Variants in PTPN4 observed in about 807,000 individuals in gnomAD.
PTPN4 encodes the protein tyrosine-protein phosphatase non-receptor type 4.
A neutral mutation model predicts 135.5 loss-of-function variants in PTPN4; 49 were observed. That is an observed-to-expected ratio of 0.36 (90% confidence interval 0.29 to 0.46). The LOEUF (loss-of-function observed/expected upper bound fraction) is 0.46, where lower values mean the gene tolerates loss of function less well. Among genes scored for constraint, PTPN4 ranks in the 20% least tolerant of loss-of-function variants. The pLI is 1.00. For missense variants in PTPN4, 860 were observed against 1,101.0 expected (o/e 0.78, Z 3.10); for synonymous variants, 333 against 369.9 (o/e 0.90, Z 1.14).
At chr2:119,835,959 C>T (rs1046303943) in intron 2 of PTPN4, among the ~76,000 whole-genome samples, 2 of 151,746 alleles carry the variant, frequency 1.3e-5, no homozygotes, top group Non-Finnish European at 2.9e-5. Context: ...ATCCCAGCTA[C>T]TTGGGAGGCT....
intron 2 of PTPN4, among the ~76,000 whole-genome samples, chr2:119,826,970 G>T (rs1236795786): frequency 6.6e-6 from 1 of 152,238 alleles, no homozygotes; most frequent in Non-Finnish European, 1.5e-5. Flanking sequence ...CGAGGTTACA[G>T]TGAACTGTGA....
At chr2:119,764,868 G>A (rs1270091383) in intron 1 of PTPN4, among the ~76,000 whole-genome samples, 1 of 152,038 alleles carries the variant, frequency 6.6e-6, no homozygotes, top group East Asian at 1.9e-4. Context: ...CCAGGTAATT[G>A]TTCATATTTA....
rs1679132603 is a variant in PTPN4, at chr2:119,946,359, C to T, written c.1534C>T (p.His512Tyr). The T allele has an allele frequency of 6.2e-7, 1 of 1,606,416 alleles. No homozygotes were observed. Among genetic ancestry groups the T allele is most frequent in the Non-Finnish European group, 8.5e-7 (1 of 1,176,596 alleles). Residue 512 changes from histidine to tyrosine, a missense_variant, in exon 17 of 27, where the codon CAT becomes TAT. By Grantham distance (83) the His-to-Tyr change is moderately conservative. Coordinates refer to ENST00000263708, the MANE Select transcript of PTPN4 (RefSeq NM_002830.4). Reference sequence around the variant, plus strand: ...TTTTAAGCCTAATGGTGGTATTCCACATGATAATCTTGTCCTAATCAGAAT... The same window carrying T: ...TTTTAAGCCTAATGGTGGTATTCCATATGATAATCTTGTCCTAATCAGAAT... ...EKPTPNGGIP[H>Y]DNLVLIRMKP...
At chr2:119,822,894 C>T (rs1677090575) in intron 2 of PTPN4, among the ~76,000 whole-genome samples, 1 of 152,266 alleles carries the variant, frequency 6.6e-6, no homozygotes, top group East Asian at 1.9e-4. Context: ...GGTGGTTTGC[C>T]ATGACATTTG....
intron 1 of PTPN4, among the ~76,000 whole-genome samples, chr2:119,791,446 T>TCTC (rs1185427916): frequency 2.0e-5 from 3 of 152,194 alleles, no homozygotes; most frequent in Non-Finnish European, 4.4e-5. Flanking sequence ...TAATTACTCT[T>TCTC]AACTGGTACT....
At chr2:119,915,324 G>A (rs980971108) in intron 11 of PTPN4, 82 bp downstream of exon 11, 5 of 1,184,466 alleles carry the variant, frequency 4.2e-6, no homozygotes, top group Non-Finnish European at 5.8e-6. Context: ...TCTATTATTA[G>A]TACAAGTGAA....
chr2:119,867,601 C>T (rs977584850), intron 3 of PTPN4, among the ~76,000 whole-genome samples: 3 of 151,828 alleles, frequency 2.0e-5, no homozygotes, highest in African/African-American at 7.3e-5. Context: ...TATTCTGTAC[C>T]CTTCCTGAAC....
intron 18 of PTPN4, among the ~76,000 whole-genome samples, chr2:119,951,665 G>C (rs1322872972): frequency 6.6e-6 from 1 of 152,166 alleles, no homozygotes; most frequent in Non-Finnish European, 1.5e-5. Context: ...GGTAACTGAA[G>C]TTTGTATGTA....
At chr2:119,832,939 C>G (rs1380932556) in intron 2 of PTPN4, among the ~76,000 whole-genome samples, 1 of 152,132 alleles carries the variant, frequency 6.6e-6, no homozygotes, top group Non-Finnish European at 1.5e-5. Context: ...AGATTATTTG[C>G]TCTTTGAAGG....
Position 119,860,851 on chromosome 2 carries a change from A to G in PTPN4, c.139-1685A>G, listed in dbSNP as rs894318276. Among the ~76,000 whole-genome samples, 58 of 151,994 alleles carry G rather than the reference A, an allele frequency of 3.8e-4. 1 individual carries two copies. The highest frequency in any genetic ancestry group is 1.3e-3 in the African/African-American group (54 of 41,396). On this transcript the variant is annotated intron_variant, in intron 2 of 26. Transcript: ENST00000263708. ...AGGTCAGGAGTTCGAGACTAGCCTGACCAATATGATGAAACTCTGGCTCTA... is the reference window on the plus strand; with the variant it reads ...AGGTCAGGAGTTCGAGACTAGCCTGGCCAATATGATGAAACTCTGGCTCTA...
At chr2:119,917,823 G>A (rs968304071) in intron 11 of PTPN4, among the ~76,000 whole-genome samples, 7 of 152,196 alleles carry the variant, frequency 4.6e-5, no homozygotes, top group Admixed American at 3.9e-4. Flanking sequence ...AAACATCTTT[G>A]TTTTTAAATA....
At chr2:119,940,520 A>G (rs975498785) in intron 15 of PTPN4, among the ~76,000 whole-genome samples, 1 of 152,146 alleles carries the variant, frequency 6.6e-6, no homozygotes, top group Non-Finnish European at 1.5e-5. Context: ...TAGTGGCGCA[A>G]TTATAGCTCA....
intron 9 of PTPN4, among the ~76,000 whole-genome samples, chr2:119,893,914 AC>A (rs1471646063): frequency 3.3e-5 from 5 of 152,072 alleles, no homozygotes; most frequent in African/African-American, 7.2e-5. Context: ...GAAAAAAAAA[AC>A]AAAAACGGAG....
At chr2:119,954,914 G>C (rs900050071) in intron 19 of PTPN4, among the ~76,000 whole-genome samples, 2 of 152,126 alleles carry the variant, frequency 1.3e-5, no homozygotes, top group Non-Finnish European at 2.9e-5. Context: ...GTCTCTTCAA[G>C]TTATAGACAT....
At chr2:119,782,714 C>CT (rs377756070) in intron 1 of PTPN4, among the ~76,000 whole-genome samples, 3,624 of 120,198 alleles carry the variant, frequency 0.03, 88 homozygotes, top group Non-Finnish European at 0.046. Flanking sequence ...CCCCACCCCC[C>CT]TTTTTTTTTT....
chr2:119,902,354 A>G (rs765813389), intron 10 of PTPN4, among the ~76,000 whole-genome samples: 1 of 152,222 alleles, frequency 6.6e-6, no homozygotes, highest in African/African-American at 2.4e-5. Context: ...AACGAGAAAT[A>G]AAGACTTTCA....
chr2:119,795,791 C>T (rs989803707), intron 1 of PTPN4, among the ~76,000 whole-genome samples: 19 of 152,256 alleles, frequency 1.2e-4, no homozygotes, highest in South Asian at 6.2e-4. Flanking sequence ...CCGCCCTGGG[C>T]CCAGTTCTGC....
At chr2:119,933,662 CAAA>C (rs34318106) in intron 14 of PTPN4, among the ~76,000 whole-genome samples, 4 of 80,290 alleles carry the variant, frequency 5.0e-5, no homozygotes, top group Non-Finnish European at 2.6e-5. Flanking sequence ...GACCCTGTCT[CAAA>C]AAAAAAAAAA....
intron 2 of PTPN4, among the ~76,000 whole-genome samples, chr2:119,826,504 C>T (rs766796513): frequency 7.2e-5 from 11 of 152,204 alleles, no homozygotes; most frequent in Non-Finnish European, 1.6e-4. Context: ...GGACATTTGG[C>T]AACGTCTGTA....
Sources: gnomAD v4.1 joint callset for allele counts (sites outside exome capture counted in the v4.1 genomes callset) on GRCh38, gnomAD v4.1.1 for gene constraint, MANE v1.5 for transcripts, NCBI Gene and HGNC (gene_info 2026-07-23, HGNC 2026-07-21) for gene names.